The following PTPRD variants were observed in gnomAD, a reference collection of about 807,000 sequenced individuals.
PTPRD encodes protein tyrosine phosphatase receptor type D.
Under a neutral mutation model 214.5 loss-of-function variants are expected in PTPRD, and 34 were observed. That is an observed-to-expected ratio of 0.16 (90% CI 0.12 to 0.21). The LOEUF is 0.21. PTPRD is among the 10% of genes least tolerant of loss of function. The pLI is 1.00. For synonymous variants in PTPRD, 1,128 were observed against 845.7 expected (o/e 1.33, Z -5.79); for missense variants, 2,545 against 2,398.7 (o/e 1.06, Z -1.27).
intron 3 of PTPRD, among the ~76,000 whole-genome samples, chr9:10,036,294 G>C (rs751558592): frequency 6.6e-6 from 1 of 152,028 alleles, no homozygotes; most frequent in Non-Finnish European, 1.5e-5. Flanking sequence ...TTGTTGACAG[G>C]TAAATGATCA....
At chr9:9,742,440 G>T (rs949883895) in intron 6 of PTPRD, among the ~76,000 whole-genome samples, 11 of 152,200 alleles carry the variant, frequency 7.2e-5, no homozygotes, top group African/African-American at 2.6e-4. Flanking sequence ...GTAATAAATG[G>T]TAATTTATAG....
chr9:9,279,508 A>T (rs1379209134), intron 9 of PTPRD, among the ~76,000 whole-genome samples: 1 of 150,386 alleles, frequency 6.6e-6, no homozygotes, highest in Non-Finnish European at 1.5e-5. Flanking sequence ...AAAAAGCATA[A>T]GATACTCATA....
intron 14 of PTPRD, among the ~76,000 whole-genome samples, chr9:8,575,301 A>G (rs747502381): frequency 1.3e-5 from 2 of 152,178 alleles, no homozygotes; most frequent in African/African-American, 2.4e-5. Context: ...TGAATTGAGT[A>G]TCCAGTACCA....
chr9:10,504,115 C>CAAAAAAAAAAAAAAAAAAAAAAA lies in PTPRD; in HGVS notation c.-600+108260_-600+108282dup. Among the ~76,000 whole-genome samples, 71 of 26,956 alleles carry CAAAAAAAAAAAAAAAAAAAAAAA rather than the reference C, an allele frequency of 2.6e-3. 5 individuals are homozygous for CAAAAAAAAAAAAAAAAAAAAAAA. The highest frequency in any genetic ancestry group is 4.7e-3 in the African/African-American group (26 of 5,546). The allele number at this position is 26,956 out of a possible 152,430, so 17.7% of individuals were successfully genotyped here. On this transcript the variant is annotated intron_variant, in intron 2 of 45. Transcript: ENST00000381196. Reference sequence around the variant, plus strand: ...TGGGGCACAGAGCGAGACTCTGTCTCAAAAAAAAAAAAAAAAAAAAAAAAA... The same window carrying CAAAAAAAAAAAAAAAAAAAAAAA: ...TGGGGCACAGAGCGAGACTCTGTCTCAAAAAAAAAAAAAAAAAAAAAAAAAAAAAAAAAAAAAAAAAAAAAAAA...
At chr9:9,540,554 A>C (rs1371205706) in intron 8 of PTPRD, among the ~76,000 whole-genome samples, 1 of 151,856 alleles carries the variant, frequency 6.6e-6, no homozygotes, top group African/African-American at 2.4e-5. Flanking sequence ...AGGGACATTT[A>C]GACAGAAGTT....
chr9:8,502,642 AAT>A (rs1447320377), intron 23 of PTPRD, among the ~76,000 whole-genome samples: 1 of 152,048 alleles, frequency 6.6e-6, no homozygotes, highest in Non-Finnish European at 1.5e-5. Flanking sequence ...CATTATTCAT[AAT>A]AAATTGAGTT....
chr9:8,325,000 C>T (rs1328496279), intron 44 of PTPRD, among the ~76,000 whole-genome samples: 1 of 151,864 alleles, frequency 6.6e-6, no homozygotes, highest in Non-Finnish European at 1.5e-5. Context: ...GATATTAGCC[C>T]TTTGTCAGAT....
intron 3 of PTPRD, among the ~76,000 whole-genome samples, chr9:10,151,808 G>A (rs78176342): frequency 0.034 from 5,243 of 152,122 alleles, 96 homozygotes; most frequent in Middle Eastern, 0.058. Flanking sequence ...TGTCGCTGTG[G>A]TTTTACTTCT....
intron 2 of PTPRD, among the ~76,000 whole-genome samples, chr9:10,564,221 C>T (rs547694302): frequency 1.8e-4 from 15 of 83,912 alleles, no homozygotes; most frequent in Admixed American, 1.3e-3. Context: ...CCCTGTTCTG[C>T]CTAGGCTTGT....
intron 3 of PTPRD, among the ~76,000 whole-genome samples, chr9:10,256,462 G>T (rs1464171552): frequency 6.6e-6 from 1 of 150,882 alleles, no homozygotes; most frequent in East Asian, 1.9e-4. Context: ...TATATAAAAA[G>T]TGATGGAAAA....
At chr9:10,192,772 T>C (rs1213177213) in intron 3 of PTPRD, among the ~76,000 whole-genome samples, 4 of 152,088 alleles carry the variant, frequency 2.6e-5, no homozygotes, top group South Asian at 4.1e-4. Flanking sequence ...TGGATCTCAG[T>C]AGACAAAAAT....
intron 32 of PTPRD, among the ~76,000 whole-genome samples, chr9:8,463,281 T>C (rs906022601): frequency 1.8e-5 from 2 of 109,962 alleles, no homozygotes; most frequent in Non-Finnish European, 3.4e-5. Context: ...AAACTCAGTA[T>C]ATATGTCCAA....
chr9:8,718,955 A>G (rs1011840674), intron 12 of PTPRD, among the ~76,000 whole-genome samples: 1 of 152,162 alleles, frequency 6.6e-6, no homozygotes, highest in Admixed American at 6.5e-5. Flanking sequence ...GGTACAGAGT[A>G]TATCTACACC....
At chr9:9,572,955 TTGG>T (rs1296332457) in intron 8 of PTPRD, among the ~76,000 whole-genome samples, 2 of 151,580 alleles carry the variant, frequency 1.3e-5, no homozygotes, top group Admixed American at 1.3e-4. Context: ...TGATAAACAC[TTGG>T]TGAATTGTCA....
chr9:8,656,758 G>A (rs1032837091), intron 12 of PTPRD, among the ~76,000 whole-genome samples: 5 of 152,106 alleles, frequency 3.3e-5, no homozygotes, highest in East Asian at 3.9e-4. Context: ...CTGGCCTTCC[G>A]GTATAGGAAA....
chr9:8,524,765 T>G, intron 18 of PTPRD, 160 bp downstream of exon 18: 1 of 762,172 alleles, frequency 1.3e-6, no homozygotes. Context: ...AAACAACACA[T>G]TTTAAATTTT....
intron 2 of PTPRD, among the ~76,000 whole-genome samples, chr9:10,591,067 T>C (rs975682586): frequency 4.6e-5 from 7 of 151,866 alleles, no homozygotes; most frequent in Non-Finnish European, 7.4e-5. Context: ...AGGAAAAGAC[T>C]GATGGGCAGA....
chr9:8,575,777 C>A (rs754807297), intron 14 of PTPRD, among the ~76,000 whole-genome samples: 7 of 152,114 alleles, frequency 4.6e-5, no homozygotes, highest in Non-Finnish European at 1.0e-4. Flanking sequence ...GGAAATTGTG[C>A]AACAAATGTA....
chr9:8,442,401 TAG>T (rs1164171470), intron 34 of PTPRD, among the ~76,000 whole-genome samples: 2 of 143,362 alleles, frequency 1.4e-5, no homozygotes, highest in Admixed American at 6.7e-5. Context: ...TTCTGCTAAG[TAG>T]AGTTTTTGAA....
Sources: gnomAD v4.1 joint callset for allele counts (sites outside exome capture counted in the v4.1 genomes callset) on GRCh38, gnomAD v4.1.1 for gene constraint, MANE v1.5 for transcripts, NCBI Gene and HGNC (gene_info 2026-07-23, HGNC 2026-07-21) for gene names.